TCERG1L: variants seen among roughly 807,000 people sequenced by gnomAD.
The protein encoded by TCERG1L is transcription elongation regulator 1 like.
Under a neutral mutation model 56.3 loss-of-function variants are expected in TCERG1L, and 37 were observed. The ratio of observed to expected loss-of-function variants is 0.66; its 90% CI spans 0.51 to 0.87. The LOEUF (loss-of-function observed/expected upper bound fraction) is 0.87. TCERG1L is among the 40% of genes least tolerant of loss of function. The probability of loss-of-function intolerance (pLI) is 0.00; values close to 1 mark genes in which losing one functional copy is unlikely to be tolerated. For synonymous variants in TCERG1L, 324 were observed against 326.3 expected, an observed-to-expected ratio of 0.99 and a Z score of 0.08; for missense variants, 799 against 774.2, an observed-to-expected ratio of 1.03 and a Z score of -0.38.
chr10:131,197,974 A>G (rs1845385011), intron 4 of TCERG1L, among the ~76,000 whole-genome samples: 1 of 152,250 alleles, frequency 6.6e-6, no homozygotes, highest in African/African-American at 2.4e-5. Context: ...ACAATTTTGT[A>G]ACATCATTTT....
intron 9 of TCERG1L, among the ~76,000 whole-genome samples, chr10:131,113,189 T>C (rs923789190): frequency 1.4e-5 from 2 of 143,198 alleles, no homozygotes; most frequent in Non-Finnish European, 3.1e-5. Flanking sequence ...TCCCACAATA[T>C]AGCCAGCTGA....
At chr10:131,225,793 C>T (rs773321607) in intron 4 of TCERG1L, among the ~76,000 whole-genome samples, 15 of 152,006 alleles carry the variant, frequency 9.9e-5, no homozygotes, top group Non-Finnish European at 1.2e-4. Flanking sequence ...TTCCGATAAA[C>T]GCAAGTGTGA....
chr10:131,232,679 A>G (rs1845865214), intron 4 of TCERG1L, among the ~76,000 whole-genome samples: 1 of 152,214 alleles, frequency 6.6e-6, no homozygotes, highest in Non-Finnish European at 1.5e-5. Flanking sequence ...GGACAGCTCA[A>G]GTAGTATTTG....
intron 3 of TCERG1L, among the ~76,000 whole-genome samples, chr10:131,269,888 T>C (rs1236217950): frequency 2.0e-5 from 3 of 152,060 alleles, no homozygotes; most frequent in African/African-American, 7.2e-5. Context: ...TAAAGAGAAG[T>C]GTGCCTGTGC....
At chr10:131,172,436 G>A (rs1242696701) in intron 4 of TCERG1L, among the ~76,000 whole-genome samples, 1 of 152,236 alleles carries the variant, frequency 6.6e-6, no homozygotes, top group African/African-American at 2.4e-5. Context: ...CTTGGAACTA[G>A]GCAGGAAATC....
intron 4 of TCERG1L, among the ~76,000 whole-genome samples, chr10:131,241,016 T>C (rs1845965978): frequency 6.6e-6 from 1 of 152,194 alleles, no homozygotes; most frequent in African/African-American, 2.4e-5. Context: ...CCAAGGTCTA[T>C]GAGGCGGCAG....
intron 6 of TCERG1L, among the ~76,000 whole-genome samples, chr10:131,158,583 T>C (rs1019457142): frequency 2.6e-5 from 4 of 152,246 alleles, no homozygotes; most frequent in African/African-American, 9.6e-5. Context: ...AGGAATTCTT[T>C]CTGAGCCTGC....
At chr10:131,140,376 C>G (rs913428367) in intron 7 of TCERG1L, among the ~76,000 whole-genome samples, 1 of 152,174 alleles carries the variant, frequency 6.6e-6, no homozygotes, top group African/African-American at 2.4e-5. Flanking sequence ...GGGCCTCCTG[C>G]TCCGCATCCT....
chr10:131,200,005 T>G (rs1483576385), intron 4 of TCERG1L, among the ~76,000 whole-genome samples: 1 of 152,148 alleles, frequency 6.6e-6, no homozygotes, highest in East Asian at 1.9e-4. Context: ...ATCTGAAGCC[T>G]CCTCTGAATG....
rs569403048 is a variant in TCERG1L at position 131,145,953 on chromosome 10, C to T, written c.1189+553G>A. The stretch of plus-strand genomic sequence containing the variant: ...CTGAAAGTTCCTCTCTGTTTCTTGG[C>T]GAAACAAGATTTACAGGCATTGTCA... On this transcript the variant is annotated intron_variant, in intron 7 of 11. Coordinates refer to ENST00000368642, the MANE Select transcript of TCERG1L (RefSeq NM_174937.4). 8.5e-5 allele frequency among the ~76,000 whole-genome samples: 13 copies of T among 152,294 alleles called. No homozygotes were observed. The South Asian group carries it at 1.9e-3, about 22-fold the overall frequency.
intron 8 of TCERG1L, among the ~76,000 whole-genome samples, chr10:131,120,527 C>T (rs961090221): frequency 6.6e-6 from 1 of 152,194 alleles, no homozygotes; most frequent in African/African-American, 2.4e-5. Context: ...ATGACAAACA[C>T]CAAGTAGTTG....
At chr10:131,241,384 G>A (rs1397287814) in intron 4 of TCERG1L, among the ~76,000 whole-genome samples, 1 of 152,236 alleles carries the variant, frequency 6.6e-6, no homozygotes, top group East Asian at 1.9e-4. Flanking sequence ...CCGGGAACCT[G>A]TGGACAGGAG....
chr10:131,304,318 C>T (rs981502022), intron 3 of TCERG1L, among the ~76,000 whole-genome samples: 3 of 151,936 alleles, frequency 2.0e-5, no homozygotes, highest in African/African-American at 7.3e-5. Context: ...TGAAGGACTC[C>T]GAAGCTCTTA....
At chr10:131,197,306 C>T (rs998314011) in intron 4 of TCERG1L, among the ~76,000 whole-genome samples, 8 of 152,048 alleles carry the variant, frequency 5.3e-5, no homozygotes, top group Admixed American at 4.6e-4. Context: ...CTCAGCCTCC[C>T]GAGTAGCTGG....
Position 131,163,145 on chromosome 10 carries a change from G to A in TCERG1L, c.1011C>T (p.Ser337=), listed in dbSNP as rs765498738. The change falls in exon 6 of 12, where the codon TCC becomes TCT. Residue 337 remains serine (S), a synonymous_variant. Transcript: ENST00000368642. ...STARGNRPVA[S]TPVPGSPWCV... ...ACCAGGGGGATCCGGGCACCGGGGT[G>A]GAGGCCACTGGCCTGTTGCCTCTGG... 3.2e-6 allele frequency: 5 copies of A among 1,579,358 alleles called. No homozygotes were observed. The highest frequency in any genetic ancestry group is 2.7e-5 in the African/African-American group (2 of 74,330).
At chr10:131,308,502 T>A in intron 2 of TCERG1L, 111 bp from the exon 3 acceptor site, 2 of 870,658 alleles carry the variant, frequency 2.3e-6, no homozygotes, top group Non-Finnish European at 3.5e-6. Context: ...TTGAACATTC[T>A]ATTATTGGGG....
intron 4 of TCERG1L, among the ~76,000 whole-genome samples, chr10:131,204,306 G>A (rs1802583762): frequency 6.6e-6 from 1 of 152,248 alleles, no homozygotes; most frequent in South Asian, 2.1e-4. Context: ...TAAGAGTATA[G>A]AGGAGCGGGA....
intron 7 of TCERG1L, among the ~76,000 whole-genome samples, chr10:131,137,571 C>T (rs1279042651): frequency 6.6e-6 from 1 of 152,206 alleles, no homozygotes; most frequent in African/African-American, 2.4e-5. Flanking sequence ...AGTGGCACCT[C>T]TCCTCCACCC....
At chr10:131,303,425 T>C (rs534588338) in intron 3 of TCERG1L, among the ~76,000 whole-genome samples, 10 of 152,192 alleles carry the variant, frequency 6.6e-5, no homozygotes, top group African/African-American at 1.9e-4. Flanking sequence ...AAATGTCTTC[T>C]TTTGAGAAGT....
Sources: allele counts gnomAD v4.1 joint callset (sites outside exome capture counted in the v4.1 genomes callset), GRCh38; gene constraint gnomAD v4.1.1; transcripts MANE v1.5; gene names NCBI Gene and HGNC (gene_info 2026-07-23, HGNC 2026-07-21).